The following CCSER1 variants were observed in gnomAD, a reference collection of about 807,000 sequenced individuals.
CCSER1 encodes the protein serine-rich coiled-coil domain-containing protein 1.
CCSER1 carries 41 observed loss-of-function variants against 82.0 expected under a neutral mutation model. That is an observed-to-expected ratio of 0.50 (90% CI 0.39 to 0.65). The LOEUF (loss-of-function observed/expected upper bound fraction) is 0.65, where lower values mean the gene tolerates loss of function less well. CCSER1 is among the 30% of genes least tolerant of loss of function. CCSER1 has a pLI of 0.00. For synonymous variants in CCSER1, 414 were observed against 383.9 expected (o/e 1.08, Z -0.92); for missense variants, 1,119 against 1,064.2 (o/e 1.05, Z -0.72).
At chr4:90,369,409 G>C (rs1746960652) in intron 3 of CCSER1, among the ~76,000 whole-genome samples, 2 of 148,022 alleles carry the variant, frequency 1.4e-5, no homozygotes, top group Non-Finnish European at 3.0e-5. Context: ...GGAAGAAAAA[G>C]AACATGTAAG....
chr4:91,600,402 C>T lies in CCSER1; in HGVS notation c.*1345C>T, dbSNP rs537891589. On this transcript the variant is annotated 3_prime_UTR_variant, in exon 11 of 11. Transcript: ENST00000509176. ...TGCAGTTTTCTTATACACATCAGAG[C>T]TGTTAAGTACATCCACATTAGCCAT... 2 of 152,214 alleles carry T rather than the reference C, an allele frequency of 1.3e-5. No individual in the cohort carries two copies. Among genetic ancestry groups the T allele is most frequent in the African/African-American group, 4.8e-5 (2 of 41,552 alleles). 9.4% of individuals were successfully genotyped at this position (152,214 alleles called of 1,614,324 possible). A position where few individuals can be genotyped will look rare whatever the true frequency, so the allele number is the denominator to read the frequency against.
intron 1 of CCSER1, among the ~76,000 whole-genome samples, chr4:90,267,250 T>A (rs7663900): frequency 0.048 from 7,331 of 151,756 alleles, 470 homozygotes; most frequent in African/African-American, 0.15. Context: ...ACAGGGAGAA[T>A]CTCCTGCTTG....
chr4:90,874,443 A>G (rs866218479), intron 8 of CCSER1, among the ~76,000 whole-genome samples: 2 of 152,220 alleles, frequency 1.3e-5, no homozygotes, highest in Middle Eastern at 3.4e-3. Flanking sequence ...CCCATAAAAA[A>G]AAAATCTCAC....
At chr4:90,295,886 A>T (rs1731793610) in intron 1 of CCSER1, among the ~76,000 whole-genome samples, 1 of 151,986 alleles carries the variant, frequency 6.6e-6, no homozygotes, top group Non-Finnish European at 1.5e-5. Flanking sequence ...CTCATGTTTG[A>T]ACAAGAATTC....
chr4:91,125,802 A>G (rs1287105313), intron 10 of CCSER1, among the ~76,000 whole-genome samples: 1 of 151,304 alleles, frequency 6.6e-6, no homozygotes, highest in African/African-American at 2.4e-5. Flanking sequence ...AACTACCAAC[A>G]TAAACCAAAA....
chr4:90,572,222 G>T (rs1236536078), intron 5 of CCSER1, among the ~76,000 whole-genome samples: 2 of 152,086 alleles, frequency 1.3e-5, no homozygotes, highest in African/African-American at 4.8e-5. Flanking sequence ...GAAGTGTGCT[G>T]CTTGTAGTAT....
intron 10 of CCSER1, among the ~76,000 whole-genome samples, chr4:91,557,515 T>A (rs908880826): frequency 6.6e-6 from 1 of 151,470 alleles, no homozygotes; most frequent in South Asian, 2.1e-4. Context: ...AAATAAACAA[T>A]ATTTATTAAT....
chr4:90,900,642 A>G (rs1464635373), intron 8 of CCSER1, among the ~76,000 whole-genome samples: 4 of 151,692 alleles, frequency 2.6e-5, no homozygotes, highest in Admixed American at 6.6e-5. Flanking sequence ...ATTTTATTGC[A>G]CTGTGGTCTG....
rs143565978 is a variant in CCSER1 at position 90,908,652 on chromosome 4, A to G, written c.2095-14718A>G. Among the ~76,000 whole-genome samples the G allele has an allele frequency of 1.3e-4, 20 of 152,214 alleles. No individual in the cohort carries two copies. The East Asian group carries it at 3.9e-3, about 29-fold the overall frequency. On this transcript the variant is annotated intron_variant, in intron 8 of 10. Coordinates refer to ENST00000509176, the MANE Select transcript of CCSER1 (RefSeq NM_001145065.2). ...TATTTTGTGAGTGAAACTTTTTTGT[A>G]CTGATTCTTTTAAAATCCATTGTGT... is the stretch of plus-strand genomic sequence containing the variant.
chr4:90,968,212 A>G (rs773608044), intron 9 of CCSER1, among the ~76,000 whole-genome samples: 2 of 151,410 alleles, frequency 1.3e-5, no homozygotes, highest in Non-Finnish European at 2.9e-5. Flanking sequence ...TTAACATAAA[A>G]TAATAATAAT....
intron 9 of CCSER1, among the ~76,000 whole-genome samples, chr4:91,002,638 T>G (rs987753842): frequency 6.6e-6 from 1 of 152,160 alleles, no homozygotes; most frequent in African/African-American, 2.4e-5. Context: ...ATTGAATATT[T>G]TTCCCTTCGC....
intron 6 of CCSER1, among the ~76,000 whole-genome samples, chr4:90,650,885 T>C (rs1357580604): frequency 1.3e-5 from 2 of 152,222 alleles, no homozygotes; most frequent in African/African-American, 2.4e-5. Context: ...AATCTTGTAA[T>C]AGTCTCATAA....
At chr4:90,455,957 T>A (rs944036254) in intron 4 of CCSER1, among the ~76,000 whole-genome samples, 9 of 152,086 alleles carry the variant, frequency 5.9e-5, no homozygotes, top group African/African-American at 1.7e-4. Context: ...GACAAAAAAA[T>A]GCCTCAGGAG....
chr4:90,488,625 T>G (rs865984753), intron 5 of CCSER1, among the ~76,000 whole-genome samples: 4 of 152,250 alleles, frequency 2.6e-5, no homozygotes, highest in African/African-American at 4.8e-5. Flanking sequence ...GAGAAAAGGT[T>G]TAAATGGTGG....
intron 10 of CCSER1, among the ~76,000 whole-genome samples, chr4:91,421,715 T>A (rs1459694690): frequency 6.6e-6 from 1 of 151,942 alleles, no homozygotes; most frequent in Non-Finnish European, 1.5e-5. Flanking sequence ...TTACACAGTG[T>A]AAATATGTAT....
intron 10 of CCSER1, among the ~76,000 whole-genome samples, chr4:91,106,411 T>G (rs1725618256): frequency 6.6e-6 from 1 of 152,104 alleles, no homozygotes; most frequent in African/African-American, 2.4e-5. Context: ...AGGAGAGAAA[T>G]TAATAGACAT....
chr4:91,126,635 A>G (rs1359766451), intron 10 of CCSER1, among the ~76,000 whole-genome samples: 1 of 152,048 alleles, frequency 6.6e-6, no homozygotes, highest in Non-Finnish European at 1.5e-5. Flanking sequence ...GAATGGCAGC[A>G]TATAAATTAT....
At chr4:91,110,689 C>T (rs746332346) in intron 10 of CCSER1, among the ~76,000 whole-genome samples, 1 of 151,994 alleles carries the variant, frequency 6.6e-6, no homozygotes, top group African/African-American at 2.4e-5. Context: ...TTTTATTCAA[C>T]TTATATTCAT....
rs962538841 is a variant in CCSER1 at position 91,211,452 on chromosome 4, G to T, written c.2217+125458G>T. On this transcript the variant is annotated intron_variant, in intron 10 of 10. Coordinates refer to ENST00000509176, the MANE Select transcript of CCSER1 (RefSeq NM_001145065.2). ...TACATTTTCCTCTTCTGGTATTACT[G>T]CTTTCATCTTAATGGCATGATAATA... 2.0e-5 allele frequency among the ~76,000 whole-genome samples: 3 copies of T among 151,984 alleles called. No individual in the cohort carries two copies. In the South Asian group the frequency reaches 6.2e-4, roughly 31 times the overall value.
Sources: allele counts gnomAD v4.1 joint callset (sites outside exome capture counted in the v4.1 genomes callset), GRCh38; gene constraint gnomAD v4.1.1; transcripts MANE v1.5; gene names NCBI Gene and HGNC (gene_info 2026-07-23, HGNC 2026-07-21).